The following KIAA1328 variants were observed in gnomAD, a reference collection of about 807,000 sequenced individuals.
KIAA1328 encodes the protein protein hinderin.
KIAA1328 carries 52 observed loss-of-function variants against 68.1 expected under a neutral mutation model. The ratio of observed to expected loss-of-function variants is 0.76; its 90% confidence interval spans 0.61 to 0.96. The LOEUF (loss-of-function observed/expected upper bound fraction) is 0.96. Ranked by LOEUF, KIAA1328 falls within the 40% of genes least tolerant of loss-of-function variation. The pLI is 0.00. For synonymous variants in KIAA1328, 232 were observed against 239.4 expected, an observed-to-expected ratio of 0.97 and a Z score of 0.28; for missense variants, 641 against 677.6, an observed-to-expected ratio of 0.95 and a Z score of 0.60.
At chr18:37,038,749 A>G (rs1245823667) in intron 6 of KIAA1328, among the ~76,000 whole-genome samples, 1 of 152,092 alleles carries the variant, frequency 6.6e-6, no homozygotes, top group Non-Finnish European at 1.5e-5. Context: ...TGATCAGAAG[A>G]CGTAAGAATA....
chr18:37,149,814 C>A (rs1376469914), intron 7 of KIAA1328, among the ~76,000 whole-genome samples: 2 of 152,026 alleles, frequency 1.3e-5, no homozygotes, highest in African/African-American at 4.8e-5. Context: ...AACAGGAAAT[C>A]AACAACACTA....
chr18:36,964,402 A>AC (rs1193127577), intron 6 of KIAA1328, among the ~76,000 whole-genome samples: 1 of 152,086 alleles, frequency 6.6e-6, no homozygotes, highest in Non-Finnish European at 1.5e-5. Flanking sequence ...CATTTCTTTG[A>AC]CTTTGAGAGA....
chr18:36,983,770 G>C (rs1028342082), intron 6 of KIAA1328, among the ~76,000 whole-genome samples: 1 of 152,088 alleles, frequency 6.6e-6, no homozygotes. Flanking sequence ...ACAATTCATT[G>C]TGTGGTGCCA....
chr18:37,079,520 G>A (rs185181535), intron 7 of KIAA1328, among the ~76,000 whole-genome samples: 2 of 151,380 alleles, frequency 1.3e-5, no homozygotes, highest in Non-Finnish European at 2.9e-5. Context: ...AAAAAAAGAA[G>A]TGCAGCTATT....
chr18:36,942,720 T>C (rs1405173975), intron 5 of KIAA1328, among the ~76,000 whole-genome samples: 1 of 152,146 alleles, frequency 6.6e-6, no homozygotes, highest in Non-Finnish European at 1.5e-5. Context: ...AGACCTTGCA[T>C]TTCACTTTTA....
intron 5 of KIAA1328, among the ~76,000 whole-genome samples, chr18:36,952,817 AAC>A (rs1455340876): frequency 6.6e-6 from 1 of 152,098 alleles, no homozygotes; most frequent in African/African-American, 2.4e-5. Context: ...AGATCATAGT[AAC>A]AGTTTGTCAC....
chr18:37,030,252 C>T (rs182943099), intron 6 of KIAA1328, among the ~76,000 whole-genome samples: 59 of 151,636 alleles, frequency 3.9e-4, no homozygotes, highest in Admixed American at 2.8e-3. Context: ...CTTGCTAGGA[C>T]GAGAATTTAG....
chr18:36,850,764 A>G (rs2047185556), intron 4 of KIAA1328, among the ~76,000 whole-genome samples: 1 of 152,182 alleles, frequency 6.6e-6, no homozygotes, highest in Non-Finnish European at 1.5e-5. Flanking sequence ...AGGATGATTC[A>G]TGTCCCAGGC....
chr18:36,914,134 C>G (rs1372980092), intron 5 of KIAA1328, among the ~76,000 whole-genome samples: 1 of 152,120 alleles, frequency 6.6e-6, no homozygotes, highest in Admixed American at 6.6e-5. Flanking sequence ...TGTGTGGCCA[C>G]TTTAGTTTTT....
intron 5 of KIAA1328, chr18:36,923,660 C>T (rs150106517): frequency 9.9e-5 from 15 of 152,172 alleles, no homozygotes; most frequent in African/African-American, 2.9e-4. Context: ...AGACATATCC[C>T]AAGATACACA....
chr18:36,934,870 T>C (rs899374605), intron 5 of KIAA1328, among the ~76,000 whole-genome samples: 5 of 152,236 alleles, frequency 3.3e-5, no homozygotes, highest in East Asian at 1.9e-4. Context: ...TCATTTGTTA[T>C]GGCAGTATAA....
In KIAA1328 at chr18:37,118,769, G is replaced by A. The variant is rs568192676; in HGVS notation, c.1233-41431G>A. On this transcript the variant is annotated intron_variant, in intron 7 of 9. Transcript: ENST00000280020. ...GAGAAGAGAAGCAAAAATTTTGCTC[G>A]CAGGTCAGCTGGGGAAATGGTTAGT... Among the ~76,000 whole-genome samples, 58 of 152,236 alleles carry A rather than the reference G, an allele frequency of 3.8e-4. No homozygotes were observed. In the South Asian group the frequency reaches 0.01, roughly 27 times the overall value.
chr18:36,997,695 G>C (rs1253571755), intron 6 of KIAA1328, among the ~76,000 whole-genome samples: 7 of 152,180 alleles, frequency 4.6e-5, no homozygotes, highest in Admixed American at 4.6e-4. Context: ...AACTCAGGCT[G>C]TTGCTACTGA....
At chr18:37,048,224 C>T (rs2055553696) in intron 6 of KIAA1328, among the ~76,000 whole-genome samples, 1 of 152,176 alleles carries the variant, frequency 6.6e-6, no homozygotes, top group Non-Finnish European at 1.5e-5. Flanking sequence ...GTAGTGTCTT[C>T]TCACACATTG....
At position 37,011,640 on chromosome 18, in the gene KIAA1328, G is replaced by A. The variant is rs1406101131; in HGVS notation, c.576+52205G>A. Among the ~76,000 whole-genome samples the A allele has an allele frequency of 2.6e-5, 4 of 152,232 alleles. 1 individual carries two copies. Among genetic ancestry groups the A allele is most frequent in the African/African-American group, 9.6e-5 (4 of 41,542 alleles). On this transcript the variant is annotated intron_variant, in intron 6 of 9. Coordinates refer to ENST00000280020, the MANE Select transcript of KIAA1328 (RefSeq NM_020776.3). ...GAAATAATTTAAATGATCCTACACA[G>A]CAATAAAGGGAAATAACTTGGCACG...
intron 9 of KIAA1328, among the ~76,000 whole-genome samples, chr18:37,202,797 G>A (rs1366322997): frequency 2.0e-5 from 3 of 152,200 alleles, no homozygotes; most frequent in Admixed American, 6.5e-5. Flanking sequence ...ATTTGACAAT[G>A]TGTCTTGCAT....
At chr18:37,177,272 C>A (rs1385002801) in intron 9 of KIAA1328, among the ~76,000 whole-genome samples, 1 of 152,070 alleles carries the variant, frequency 6.6e-6, no homozygotes, top group African/African-American at 2.4e-5. Flanking sequence ...CTCAATGCAA[C>A]AGAAATCTTG....
At chr18:37,171,705 A>C (rs2059502965) in intron 8 of KIAA1328, among the ~76,000 whole-genome samples, 1 of 152,204 alleles carries the variant, frequency 6.6e-6, no homozygotes, top group Non-Finnish European at 1.5e-5. Flanking sequence ...GGTCTTTTAC[A>C]TCTACGCATA....
At position 37,105,457 on chromosome 18, in the gene KIAA1328, C is replaced by T. The variant is rs567743756; in HGVS notation, c.1232+37912C>T. 1.1e-4 allele frequency among the ~76,000 whole-genome samples: 16 copies of T among 142,958 alleles called. No individual in the cohort carries two copies. In the South Asian group the frequency reaches 2.8e-3, roughly 25 times the overall value. 93.8% of individuals were successfully genotyped at this position (142,958 alleles called of 152,430 possible). A position where few individuals can be genotyped will look rare whatever the true frequency, so the allele number is the denominator to read the frequency against. On this transcript the variant is annotated intron_variant, in intron 7 of 9. Coordinates refer to ENST00000280020, the MANE Select transcript of KIAA1328 (RefSeq NM_020776.3). ...AGTAAGCTATGAATGCTGCACTCTACGCTAGCCTGGGCAATGATAGAATGA... is the reference window on the plus strand; with the variant it reads ...AGTAAGCTATGAATGCTGCACTCTATGCTAGCCTGGGCAATGATAGAATGA...
Sources: gnomAD v4.1 joint callset for allele counts (sites outside exome capture counted in the v4.1 genomes callset) on GRCh38, gnomAD v4.1.1 for gene constraint, MANE v1.5 for transcripts, NCBI Gene and HGNC (gene_info 2026-07-23, HGNC 2026-07-21) for gene names.